The following FNIP2 variants were observed in gnomAD, a reference collection of about 807,000 sequenced individuals.
The protein encoded by FNIP2 is folliculin-interacting protein 2.
Under a neutral mutation model 108.7 loss-of-function variants are expected in FNIP2, and 32 were observed. The ratio of observed to expected loss-of-function variants is 0.29; its 90% CI spans 0.22 to 0.40. The LOEUF (loss-of-function observed/expected upper bound fraction) is 0.40, where lower values mean the gene tolerates loss of function less well. FNIP2 is among the 10% of genes least tolerant of loss of function. The pLI is 1.00. For missense variants in FNIP2, 1,202 were observed against 1,381.6 expected (o/e 0.87, Z 2.06); for synonymous variants, 480 against 496.7 (o/e 0.97, Z 0.45).
rs144137461 is a variant in FNIP2 at position 158,778,164 on chromosome 4, G to C, written c.107+8845G>C. 3.0e-4 allele frequency among the ~76,000 whole-genome samples: 45 copies of C among 152,336 alleles called. No individual in the cohort carries two copies. In the South Asian group the frequency reaches 3.7e-3, roughly 13 times the overall value. On this transcript the variant is annotated intron_variant, in intron 1 of 16. Transcript: ENST00000264433. ...GTCCAGACTGCTTCTCAGAGATCTT[G>C]ATTTAATAGATCTGGGCTGGGGCTT...
intron 7 of FNIP2, among the ~76,000 whole-genome samples, chr4:158,847,710 C>G (rs1779481453): frequency 6.6e-6 from 1 of 152,128 alleles, no homozygotes; most frequent in Non-Finnish European, 1.5e-5. Context: ...GTCCTCAGTT[C>G]CAGACATTGG....
chr4:158,894,353 G>A (rs766423161), intron 15 of FNIP2, among the ~76,000 whole-genome samples: 1 of 151,702 alleles, frequency 6.6e-6, no homozygotes, highest in East Asian at 1.9e-4. Flanking sequence ...TTTAATTTTT[G>A]TAGAGACAGA....
chr4:158,832,191 T>C lies in FNIP2; in HGVS notation c.554+53T>C, dbSNP rs1051829985. On this transcript the variant is annotated intron_variant, in intron 5 of 16. Coordinates refer to ENST00000264433, the MANE Select transcript of FNIP2 (RefSeq NM_020840.3). ...CCCCATTTTTTAAAGTGTGTATTTC[T>C]AGATAGACTAATTCTTTAAGGGCCA... is the stretch of plus-strand genomic sequence containing the variant. 8.5e-6 allele frequency: 12 copies of C among 1,404,052 alleles called. No homozygotes were observed. In the East Asian group the frequency reaches 2.7e-4, roughly 32 times the overall value. 87.0% of individuals were successfully genotyped at this position (1,404,052 alleles called of 1,614,324 possible). A position where few individuals can be genotyped will look rare whatever the true frequency, so the allele number is the denominator to read the frequency against.
intron 1 of FNIP2, among the ~76,000 whole-genome samples, chr4:158,785,274 C>T (rs979267334): frequency 3.3e-5 from 5 of 151,706 alleles, no homozygotes; most frequent in Non-Finnish European, 7.4e-5. Flanking sequence ...TTAGTAGAGA[C>T]GGGGTTTCAT....
chr4:158,780,355 A>T (rs1489447319), intron 1 of FNIP2, among the ~76,000 whole-genome samples: 2 of 152,238 alleles, frequency 1.3e-5, no homozygotes, highest in Non-Finnish European at 2.9e-5. Flanking sequence ...TCTTTTAGAA[A>T]TCTTTTAGAA....
chr4:158,870,918 A>T (rs1780909739), intron 14 of FNIP2, among the ~76,000 whole-genome samples: 1 of 152,238 alleles, frequency 6.6e-6, no homozygotes, highest in Non-Finnish European at 1.5e-5. Context: ...AGAACAGAAC[A>T]CAGAAGGGCA....
intron 7 of FNIP2, among the ~76,000 whole-genome samples, chr4:158,850,975 G>C (rs1467510780): frequency 6.6e-6 from 1 of 151,992 alleles, no homozygotes; most frequent in East Asian, 1.9e-4. Context: ...TTTCTTTGCT[G>C]TTCAGAAATC....
chr4:158,885,270 A>G (rs1358884433), intron 14 of FNIP2, among the ~76,000 whole-genome samples: 3 of 152,176 alleles, frequency 2.0e-5, no homozygotes, highest in Admixed American at 2.0e-4. Context: ...ACATGGGATT[A>G]TAATTGGAGA....
intron 8 of FNIP2, among the ~76,000 whole-genome samples, chr4:158,855,838 G>A (rs186318241): frequency 2.6e-5 from 4 of 152,290 alleles, no homozygotes; most frequent in Non-Finnish European, 4.4e-5. Flanking sequence ...AGAGACAGGA[G>A]AATAGTGGGT....
chr4:158,848,906 C>G (rs1367939314), intron 7 of FNIP2, among the ~76,000 whole-genome samples: 1 of 152,130 alleles, frequency 6.6e-6, no homozygotes, highest in Non-Finnish European at 1.5e-5. Flanking sequence ...AAAACTGTCC[C>G]TTTTTATGCT....
intron 14 of FNIP2, among the ~76,000 whole-genome samples, chr4:158,889,160 C>T (rs974085087): frequency 6.6e-6 from 1 of 152,154 alleles, no homozygotes; most frequent in Non-Finnish European, 1.5e-5. Context: ...CTTCTGCACT[C>T]CAGCCTGGGC....
At chr4:158,871,042 GGTTT>G (rs1202671817) in intron 14 of FNIP2, among the ~76,000 whole-genome samples, 1 of 152,234 alleles carries the variant, frequency 6.6e-6, no homozygotes, top group African/African-American at 2.4e-5. Context: ...TGTCACATGT[GGTTT>G]GTTTTTTATC....
intron 1 of FNIP2, among the ~76,000 whole-genome samples, chr4:158,770,318 T>G (rs765018974): frequency 3.9e-5 from 6 of 152,224 alleles, no homozygotes; most frequent in Non-Finnish European, 7.3e-5. Flanking sequence ...TTCAACACAT[T>G]TTAAAATTGA....
At chr4:158,777,525 G>T (rs1366105161) in intron 1 of FNIP2, among the ~76,000 whole-genome samples, 5 of 152,216 alleles carry the variant, frequency 3.3e-5, no homozygotes, top group African/African-American at 9.6e-5. Context: ...GGCCTACCCT[G>T]TGTGAGGAGG....
At position 158,903,103 on chromosome 4, in the gene FNIP2, G is replaced by A. The variant is rs189553790; in HGVS notation, c.3267-1363G>A. Among the ~76,000 whole-genome samples the A allele has an allele frequency of 3.5e-3, 527 of 152,304 alleles. 1 individual carries two copies. Among genetic ancestry groups the A allele is most frequent in the Non-Finnish European group, 5.5e-3 (377 of 68,020 alleles). Reference sequence around the variant, plus strand: ...GCCCAGTTTTGTGCTTGAAACCCAGGGCCCTGATTGTGTACACACCAAAGG... The same window carrying A: ...GCCCAGTTTTGTGCTTGAAACCCAGAGCCCTGATTGTGTACACACCAAAGG... On this transcript the variant is annotated intron_variant, in intron 16 of 16. Coordinates refer to ENST00000264433, the MANE Select transcript of FNIP2 (RefSeq NM_020840.3).
chr4:158,770,963 T>G (rs1035628726), intron 1 of FNIP2, among the ~76,000 whole-genome samples: 1 of 152,192 alleles, frequency 6.6e-6, no homozygotes, highest in Non-Finnish European at 1.5e-5. Flanking sequence ...TCCACAAGTT[T>G]AACTGAGTGT....
At chr4:158,821,103 A>G (rs1777861000) in intron 1 of FNIP2, among the ~76,000 whole-genome samples, 1 of 152,244 alleles carries the variant, frequency 6.6e-6, no homozygotes, top group Non-Finnish European at 1.5e-5. Context: ...GTAGTTTCAG[A>G]AATGAGGCCT....
At chr4:158,851,143 T>TTACC (rs920475551) in intron 7 of FNIP2, among the ~76,000 whole-genome samples, 178 bp from the exon 8 acceptor site, 6 of 152,234 alleles carry the variant, frequency 3.9e-5, no homozygotes, top group African/African-American at 1.4e-4. Flanking sequence ...ATTAGGTTGG[T>TTACC]GCAAAGGTAA....
chr4:158,847,286 C>T (rs1349669938), intron 7 of FNIP2, among the ~76,000 whole-genome samples: 2 of 152,158 alleles, frequency 1.3e-5, no homozygotes, highest in Non-Finnish European at 1.5e-5. Flanking sequence ...TAAGGGAATG[C>T]TTGTGCCACC....
Sources: gnomAD v4.1 joint callset for allele counts (sites outside exome capture counted in the v4.1 genomes callset) on GRCh38, gnomAD v4.1.1 for gene constraint, MANE v1.5 for transcripts, NCBI Gene and HGNC (gene_info 2026-07-23, HGNC 2026-07-21) for gene names.